The following ZNF362 variants were observed in gnomAD, a reference collection of about 807,000 sequenced individuals.
The protein encoded by ZNF362 is zinc finger protein 362.
In ZNF362, 11 loss-of-function variants were observed where a neutral mutation model predicts 42.9. The ratio of observed to expected loss-of-function variants is 0.26; its 90% CI spans 0.16 to 0.42. ZNF362 has a LOEUF of 0.42. Ranked by LOEUF, ZNF362 falls within the 20% of genes least tolerant of loss-of-function variation. ZNF362 has a pLI of 1.00. For synonymous variants in ZNF362, 255 were observed against 257.3 expected (o/e 0.99, Z 0.09); for missense variants, 362 against 576.2 (o/e 0.63, Z 3.81).
chr1:33,181,332 C>A, the ZNF362 span: 1 of 1,577,624 alleles, frequency 6.3e-7, no homozygotes, highest in Admixed American at 1.8e-5. This position sits in a 1 kb window ranked among gnomAD's most constrained non-coding sequence, Gnocchi z 6.5. Flanking sequence ...CTCCGTGATG[C>A]AGCGGCGGCA....
At chr1:33,198,485 G>A in the ZNF362 span, among the ~76,000 whole-genome samples, 1 of 152,104 alleles carries the variant, frequency 6.6e-6, no homozygotes, top group African/African-American at 2.4e-5. Flanking sequence ...TGGACAACAT[G>A]GCAAAACCCC....
intron 1 of ZNF362, among the ~76,000 whole-genome samples, chr1:33,262,889 T>C (rs377249301): frequency 1.1e-4 from 16 of 152,320 alleles, no homozygotes; most frequent in African/African-American, 3.4e-4. Context: ...GGAGTGTGCA[T>C]GCACACACGG....
At chr1:33,169,619 A>G in the ZNF362 span, among the ~76,000 whole-genome samples, 1 of 152,166 alleles carries the variant, frequency 6.6e-6, no homozygotes, top group African/African-American at 2.4e-5. Flanking sequence ...TCAAGGCTCT[A>G]CTGCTGGCCC....
chr1:33,232,383 G>C, the ZNF362 span, among the ~76,000 whole-genome samples: 1 of 152,062 alleles, frequency 6.6e-6, no homozygotes, highest in African/African-American at 2.4e-5. Context: ...TCCTGCCTCA[G>C]CCACCCAAGT....
chr1:33,150,243 C>T, the ZNF362 span, among the ~76,000 whole-genome samples: 1 of 152,204 alleles, frequency 6.6e-6, no homozygotes, highest in African/African-American at 2.4e-5. Context: ...CTCTCTGGCT[C>T]TTTCCTTTAC....
At chr1:33,157,221 G>A in the ZNF362 span, among the ~76,000 whole-genome samples, 1 of 151,980 alleles carries the variant, frequency 6.6e-6, no homozygotes, top group Non-Finnish European at 1.5e-5. Flanking sequence ...TCTTCACCTT[G>A]ACCCTCCTTC....
chr1:33,232,539 G>T, the ZNF362 span, among the ~76,000 whole-genome samples: 1 of 152,172 alleles, frequency 6.6e-6, no homozygotes, highest in African/African-American at 2.4e-5. Flanking sequence ...GGGATTACAG[G>T]CGTGAGCCAC....
intron 8 of ZNF362, among the ~76,000 whole-genome samples, chr1:33,296,984 G>A (rs1646129391): frequency 6.6e-6 from 1 of 152,074 alleles, no homozygotes; most frequent in Non-Finnish European, 1.5e-5. Flanking sequence ...AGGTATTTTT[G>A]CAAGGTCACT....
chr1:33,282,094 T>G (rs1645999360), intron 6 of ZNF362: 2 of 451,736 alleles, frequency 4.4e-6, no homozygotes, highest in Non-Finnish European at 8.2e-6. Flanking sequence ...TCTCTCAGTC[T>G]AGCTTCCTCC....
the ZNF362 span, among the ~76,000 whole-genome samples, chr1:33,217,879 T>G: frequency 6.6e-6 from 1 of 152,180 alleles, no homozygotes; most frequent in Non-Finnish European, 1.5e-5. Flanking sequence ...TAATATGTCA[T>G]GGATATCTAT....
At chr1:33,201,721 G>A in the ZNF362 span, among the ~76,000 whole-genome samples, 1 of 152,068 alleles carries the variant, frequency 6.6e-6, no homozygotes, top group East Asian at 1.9e-4. Context: ...AACAAAAAGA[G>A]AAAATTAAAT....
At chr1:33,133,137 T>C in the ZNF362 span, among the ~76,000 whole-genome samples, 3 of 152,034 alleles carry the variant, frequency 2.0e-5, no homozygotes, top group African/African-American at 7.2e-5. Flanking sequence ...CACTTACAGT[T>C]ACAGTTACAG....
the ZNF362 span, among the ~76,000 whole-genome samples, chr1:33,241,672 G>GA: frequency 1.3e-5 from 2 of 152,092 alleles, no homozygotes; most frequent in South Asian, 2.1e-4. Context: ...TATTTACACA[G>GA]AAAAAACGAT....
the ZNF362 span, among the ~76,000 whole-genome samples, chr1:33,168,866 C>G: frequency 6.6e-6 from 1 of 152,204 alleles, no homozygotes; most frequent in East Asian, 1.9e-4. Flanking sequence ...ACAGAAGACC[C>G]AGCCACCCAG....
the ZNF362 span, among the ~76,000 whole-genome samples, chr1:33,179,072 T>G: frequency 6.6e-6 from 1 of 152,232 alleles, no homozygotes; most frequent in Non-Finnish European, 1.5e-5. Context: ...ACATAACTTC[T>G]CCAGGCCTCA....
the ZNF362 span, among the ~76,000 whole-genome samples, chr1:33,147,906 G>C: frequency 6.6e-6 from 1 of 152,178 alleles, no homozygotes; most frequent in African/African-American, 2.4e-5. This position sits in a 1 kb window ranked among gnomAD's most constrained non-coding sequence, Gnocchi z 8.1. Context: ...AGAATGGAAG[G>C]GTGGTGGTTA....
chr1:33,260,147 C>G (rs1645819787), intron 1 of ZNF362, among the ~76,000 whole-genome samples: 1 of 152,222 alleles, frequency 6.6e-6, no homozygotes, highest in Non-Finnish European at 1.5e-5. Flanking sequence ...CAGAATGAGG[C>G]AAATGATCTG....
chr1:33,251,433 A>G, the ZNF362 span, among the ~76,000 whole-genome samples: 1 of 151,936 alleles, frequency 6.6e-6, no homozygotes, highest in African/African-American at 2.4e-5. Context: ...CACCTGTAGG[A>G]CTCTGAAAGT....
At chr1:33,136,308 CTTTCTTTCTT>C in the ZNF362 span, among the ~76,000 whole-genome samples, 1 of 131,808 alleles carries the variant, frequency 7.6e-6, no homozygotes, top group Non-Finnish European at 1.7e-5. Context: ...CTTTTTCTTT[CTTTCTTTCTT>C]TTTCTTTCTT....
Sources: allele counts gnomAD v4.1 joint callset (sites outside exome capture counted in the v4.1 genomes callset), GRCh38; gene constraint gnomAD v4.1.1; non-coding constraint Gnocchi (gnomAD v3.1); transcripts MANE v1.5; gene names NCBI Gene and HGNC (gene_info 2026-07-23, HGNC 2026-07-21).